Variants in TRIM33 observed in about 807,000 individuals in gnomAD.
TRIM33 encodes E3 ubiquitin-protein ligase TRIM33.
A neutral mutation model predicts 125.4 loss-of-function variants in TRIM33; 20 were observed. The ratio of observed to expected loss-of-function variants is 0.16; its 90% confidence interval spans 0.11 to 0.23. The LOEUF is 0.23. Ranked by LOEUF, TRIM33 falls within the 10% of genes least tolerant of loss-of-function variation. The probability of loss-of-function intolerance (pLI) is 1.00; values close to 1 mark genes in which losing one functional copy is unlikely to be tolerated. For synonymous variants in TRIM33, 564 were observed against 513.9 expected, an observed-to-expected ratio of 1.10 and a Z score of -1.32; for missense variants, 920 against 1,411.4, an observed-to-expected ratio of 0.65 and a Z score of 5.58.
At chr1:114,503,218 T>C (rs1484565928) in intron 1 of TRIM33, among the ~76,000 whole-genome samples, 1 of 152,248 alleles carries the variant, frequency 6.6e-6, no homozygotes, top group African/African-American at 2.4e-5. Flanking sequence ...TGGTGGTTCA[T>C]GCCTGTAATA....
chr1:114,496,474 A>G (rs1395891100), intron 1 of TRIM33, among the ~76,000 whole-genome samples: 2 of 152,202 alleles, frequency 1.3e-5, no homozygotes, highest in Non-Finnish European at 2.9e-5. Flanking sequence ...ATTCATAACC[A>G]ACACCTAACA....
chr1:114,472,726 C>CA (rs901900391), intron 1 of TRIM33, among the ~76,000 whole-genome samples: 58 of 149,038 alleles, frequency 3.9e-4, no homozygotes, highest in African/African-American at 1.5e-3. Flanking sequence ...AAAATGAAAA[C>CA]AAAAACAAAA....
At chr1:114,458,511 A>T (rs986010962) in intron 4 of TRIM33, among the ~76,000 whole-genome samples, 2 of 152,166 alleles carry the variant, frequency 1.3e-5, no homozygotes, top group Non-Finnish European at 2.9e-5. Flanking sequence ...CTGCACAAAG[A>T]CAGTTTTGAC....
At chr1:114,510,524 A>C in intron 1 of TRIM33, 27 bp downstream of exon 1, 1 of 1,451,250 alleles carries the variant, frequency 6.9e-7, no homozygotes, top group Non-Finnish European at 9.1e-7. Context: ...CTTGCGGCCC[A>C]GATGCCAGGC....
intron 4 of TRIM33, among the ~76,000 whole-genome samples, chr1:114,446,539 C>G (rs534308521): frequency 6.6e-6 from 1 of 152,008 alleles, no homozygotes; most frequent in East Asian, 1.9e-4. Flanking sequence ...ATATCACTAT[C>G]CCCACAGCAA....
At chr1:114,414,046 C>G (rs992207701) in intron 11 of TRIM33, among the ~76,000 whole-genome samples, 10 of 151,280 alleles carry the variant, frequency 6.6e-5, no homozygotes, top group African/African-American at 1.9e-4. Flanking sequence ...CACACACACA[C>G]ACACACACAC....
rs1288546826 is a variant in TRIM33 at position 114,436,122 on chromosome 1, G to A, written c.924-2389C>T. 2.0e-5 allele frequency among the ~76,000 whole-genome samples: 3 copies of A among 151,370 alleles called. 1 individual carries two copies. Among genetic ancestry groups the A allele is most frequent in the Admixed American group, 2.0e-4 (3 of 15,202 alleles). ...CTTGTATAAGATATTAATAGCACAG[G>A]CCAGGCGTGGTGGCTCACACCTGTA... On this transcript the variant is annotated intron_variant, in intron 4 of 19. Transcript: ENST00000358465.
chr1:114,442,687 C>CAAAA (rs34847018), intron 4 of TRIM33, among the ~76,000 whole-genome samples: 1 of 73,862 alleles, frequency 1.4e-5, no homozygotes, highest in African/African-American at 4.9e-5. Context: ...GACTCTGTCT[C>CAAAA]AAAAAAAAAA....
At chr1:114,477,321 C>G (rs1478233292) in intron 1 of TRIM33, among the ~76,000 whole-genome samples, 1 of 150,004 alleles carries the variant, frequency 6.7e-6, no homozygotes, top group Non-Finnish European at 1.5e-5. Flanking sequence ...TATTAAATAG[C>G]ATTTAAAGCT....
Position 114,510,999 on chromosome 1 carries a change from G to T in TRIM33, c.78C>A (p.Ala26=). Residue 26 remains alanine, a synonymous_variant, in exon 1 of 20, where the codon GCC becomes GCA. Transcript: ENST00000358465. ...GSGSAPVTAG[A]AGPAAQEAEP... ...CCGCCTCCTGCGCGGCGGGCCCGGC[G>T]GCCCCGGCAGTTACCGGCGCGCTGC... 1.5e-6 allele frequency: 2 copies of T among 1,315,320 alleles called. No individual in the cohort carries two copies. Among genetic ancestry groups the T allele is most frequent in the Non-Finnish European group, 1.9e-6 (2 of 1,036,306 alleles). 81.5% of individuals were successfully genotyped at this position (1,315,320 alleles called of 1,614,324 possible).
At chr1:114,415,028 T>A (rs1348507181) in intron 11 of TRIM33, among the ~76,000 whole-genome samples, 2 of 132,216 alleles carry the variant, frequency 1.5e-5, no homozygotes, top group Admixed American at 1.7e-4. Flanking sequence ...AGGGTCTCAC[T>A]CTGTTGCCCA....
chr1:114,449,871 A>G (rs1039055229), intron 4 of TRIM33, among the ~76,000 whole-genome samples: 1 of 152,098 alleles, frequency 6.6e-6, no homozygotes, highest in Non-Finnish European at 1.5e-5. Flanking sequence ...GACCTTCTTC[A>G]CAGGATCCTC....
At chr1:114,452,919 C>G (rs1460826548) in intron 4 of TRIM33, among the ~76,000 whole-genome samples, 4 of 151,124 alleles carry the variant, frequency 2.6e-5, no homozygotes, top group Non-Finnish European at 5.9e-5. Context: ...AAACAAACAA[C>G]CCAGAAGAGA....
intron 1 of TRIM33, among the ~76,000 whole-genome samples, chr1:114,470,380 C>G (rs1028064421): frequency 1.3e-5 from 2 of 152,058 alleles, no homozygotes; most frequent in Non-Finnish European, 2.9e-5. Context: ...ATTATGGTGA[C>G]CTGTGAGTTC....
intron 1 of TRIM33, among the ~76,000 whole-genome samples, chr1:114,486,230 C>T (rs1435334870): frequency 6.6e-6 from 1 of 151,962 alleles, no homozygotes; most frequent in African/African-American, 2.4e-5. Context: ...GAGCTGAGAT[C>T]GCAACACTGA....
intron 1 of TRIM33, among the ~76,000 whole-genome samples, chr1:114,491,707 G>C (rs1346299278): frequency 6.6e-6 from 1 of 152,148 alleles, no homozygotes; most frequent in African/African-American, 2.4e-5. Context: ...AGGAGGCTGA[G>C]GTGAAAGGAT....
chr1:114,511,185 G>A lies in TRIM33; in HGVS notation c.-109C>T, dbSNP rs1043921048. 1 of 996,474 alleles carries A rather than the reference G, an allele frequency of 1.0e-6. No homozygotes were observed. Among genetic ancestry groups the A allele is most frequent in the African/African-American group, 1.7e-5 (1 of 57,606 alleles). The allele number at this position is 996,474 out of a possible 1,614,324, so 61.7% of individuals were successfully genotyped here. ...GCCGCAGCAAGAGCGGCAGCCGAGA[G>A]CTAGCGAGAGAGCGAACCAACGAGA... On this transcript the variant is annotated 5_prime_UTR_variant, in exon 1 of 20. Transcript: ENST00000358465.
chr1:114,506,276 G>A (rs1652998262), intron 1 of TRIM33, among the ~76,000 whole-genome samples: 1 of 151,870 alleles, frequency 6.6e-6, no homozygotes, highest in African/African-American at 2.4e-5. Flanking sequence ...TCAGCTACTG[G>A]GGAGGCTGAG....
chr1:114,441,067 G>A (rs1159344800), intron 4 of TRIM33, among the ~76,000 whole-genome samples: 1 of 152,174 alleles, frequency 6.6e-6, no homozygotes, highest in Non-Finnish European at 1.5e-5. Context: ...CAACAATTTC[G>A]GAGGCTGAAG....
Sources: gnomAD v4.1 joint callset for allele counts (sites outside exome capture counted in the v4.1 genomes callset) on GRCh38, gnomAD v4.1.1 for gene constraint, MANE v1.5 for transcripts, NCBI Gene and HGNC (gene_info 2026-07-23, HGNC 2026-07-21) for gene names.